The following POU6F2 variants were observed in gnomAD, a reference collection of about 807,000 sequenced individuals.
The protein encoded by POU6F2 is POU class 6 homeobox 2, also known as POU domain, class 6, transcription factor 2.
Under a neutral mutation model 71.3 loss-of-function variants are expected in POU6F2, and 31 were observed. That is an observed-to-expected ratio of 0.43 (90% confidence interval 0.33 to 0.59). The LOEUF (loss-of-function observed/expected upper bound fraction) is 0.59, where lower values mean the gene tolerates loss of function less well. Ranked by LOEUF, POU6F2 falls within the 20% of genes least tolerant of loss-of-function variation. POU6F2 has a pLI of 0.04. For synonymous variants in POU6F2, 347 were observed against 355.7 expected, an observed-to-expected ratio of 0.98 and a Z score of 0.27; for missense variants, 783 against 856.8, an observed-to-expected ratio of 0.91 and a Z score of 1.07.
At chr7:39,053,958 C>T (rs1790452748) in intron 1 of POU6F2, among the ~76,000 whole-genome samples, 1 of 151,854 alleles carries the variant, frequency 6.6e-6, no homozygotes, top group South Asian at 2.1e-4. Context: ...CAAAAATTAG[C>T]CAGGCGTGGT....
chr7:38,983,579 C>T (rs1171982919), intron 1 of POU6F2, among the ~76,000 whole-genome samples: 3 of 152,070 alleles, frequency 2.0e-5, no homozygotes, highest in Non-Finnish European at 4.4e-5. Context: ...TTTGAAGAAG[C>T]GGTTGCGAGT....
intron 4 of POU6F2, among the ~76,000 whole-genome samples, chr7:39,313,914 G>A (rs1785212912): frequency 6.6e-6 from 1 of 152,170 alleles, no homozygotes; most frequent in Non-Finnish European, 1.5e-5. Context: ...TTGTGAAAAA[G>A]ATGCCGGATG....
intron 4 of POU6F2, among the ~76,000 whole-genome samples, chr7:39,285,270 C>G (rs1784632189): frequency 6.6e-6 from 1 of 152,214 alleles, no homozygotes; most frequent in Admixed American, 6.5e-5. Context: ...ACTGAAAACT[C>G]TGATGCCATG....
At chr7:39,106,631 A>G (rs1049761280) in intron 2 of POU6F2, among the ~76,000 whole-genome samples, 15 of 152,222 alleles carry the variant, frequency 9.9e-5, no homozygotes, top group Admixed American at 4.6e-4. Flanking sequence ...ATTGTTTCCA[A>G]TGTTTAAAAT....
In POU6F2 at chr7:39,214,720, CAGTAAAGAGA is replaced by C. The variant is rs567643610; in HGVS notation, c.598+7111_598+7120del. Among the ~76,000 whole-genome samples the C allele has an allele frequency of 2.9e-3, 436 of 152,194 alleles. 2 individuals carry two copies. The highest frequency in any genetic ancestry group is 9.7e-3 in the African/African-American group (402 of 41,526). On this transcript the variant is annotated intron_variant, in intron 4 of 9. Transcript: ENST00000518318. Reference sequence around the variant, plus strand: ...GAGTGAATTTTAAAGACTAAGAGTCCAGTAAAGAGAAGTAAAGAGAGCATTCAGTGTAGAG... The same window carrying C: ...GAGTGAATTTTAAAGACTAAGAGTCCAGTAAAGAGAGCATTCAGTGTAGAG...
In POU6F2 at chr7:39,100,493, A is replaced by T. The variant is rs146901392; in HGVS notation, c.277+14462A>T. On this transcript the variant is annotated intron_variant, in intron 2 of 9. Transcript: ENST00000518318. ...GCCATGGCAACCCCACACATTTTTA[A>T]TTACATATTCATGCCCTATGCTCAT... Among the ~76,000 whole-genome samples the T allele has an allele frequency of 8.7e-4, 132 of 152,326 alleles. 3 individuals carry two copies. The East Asian group carries it at 0.022, about 25-fold the overall frequency.
chr7:39,226,892 C>T (rs780462113), intron 4 of POU6F2, among the ~76,000 whole-genome samples: 9 of 152,144 alleles, frequency 5.9e-5, no homozygotes, highest in Non-Finnish European at 1.2e-4. Context: ...GAATGAGTTG[C>T]GGGCTTAATT....
intron 2 of POU6F2, among the ~76,000 whole-genome samples, chr7:39,175,385 C>T (rs11973888): frequency 1.8e-4 from 28 of 152,170 alleles, no homozygotes; most frequent in African/African-American, 6.7e-4. Flanking sequence ...ACTAGGTCAA[C>T]TTTTGAGTGT....
At chr7:39,029,565 G>C (rs1272863290) in intron 1 of POU6F2, among the ~76,000 whole-genome samples, 2 of 151,910 alleles carry the variant, frequency 1.3e-5, no homozygotes, top group Non-Finnish European at 2.9e-5. Context: ...TACCCTAAAA[G>C]CCCTGACTTC....
intron 4 of POU6F2, among the ~76,000 whole-genome samples, chr7:39,272,648 G>A (rs1316685853): frequency 2.0e-5 from 3 of 152,184 alleles, no homozygotes; most frequent in Admixed American, 6.5e-5. Context: ...CCAAGATAGA[G>A]TTTCTCAAAC....
chr7:39,237,644 T>G (rs1161221461), intron 4 of POU6F2, among the ~76,000 whole-genome samples: 1 of 152,176 alleles, frequency 6.6e-6, no homozygotes, highest in Non-Finnish European at 1.5e-5. Flanking sequence ...ATAGGACTAC[T>G]GCCCCTCAGA....
chr7:39,051,538 A>G (rs1790400382), intron 1 of POU6F2, among the ~76,000 whole-genome samples: 1 of 152,132 alleles, frequency 6.6e-6, no homozygotes, highest in Admixed American at 6.6e-5. Context: ...CATATACTCT[A>G]CAGAAACATT....
intron 1 of POU6F2, among the ~76,000 whole-genome samples, chr7:38,990,443 A>G (rs1788575070): frequency 6.6e-6 from 1 of 152,114 alleles, no homozygotes; most frequent in Non-Finnish European, 1.5e-5. Context: ...TCTTATTTAC[A>G]TTTATGTGTT....
chr7:39,204,620 G>A (rs577645538), intron 3 of POU6F2, among the ~76,000 whole-genome samples: 58 of 151,542 alleles, frequency 3.8e-4, no homozygotes, highest in African/African-American at 1.2e-3. Flanking sequence ...TTACCGTGCA[G>A]TTTCCTGGAA....
chr7:39,205,092 C>A (rs1377849332), intron 3 of POU6F2, among the ~76,000 whole-genome samples: 1 of 151,788 alleles, frequency 6.6e-6, no homozygotes, highest in Non-Finnish European at 1.5e-5. Context: ...TTGGCCTTGA[C>A]ATTCTTATTC....
chr7:39,427,810 A>C (rs1263461699), intron 6 of POU6F2, among the ~76,000 whole-genome samples: 1 of 152,216 alleles, frequency 6.6e-6, no homozygotes, highest in Admixed American at 6.5e-5. Flanking sequence ...ATTCTCCATA[A>C]CAGAGTTTAA....
intron 4 of POU6F2, among the ~76,000 whole-genome samples, chr7:39,296,514 T>C (rs976367111): frequency 1.3e-5 from 2 of 152,212 alleles, no homozygotes; most frequent in African/African-American, 4.8e-5. Context: ...TAGCATTTTG[T>C]ACCCTTGTAG....
chr7:39,339,799 C>A lies in POU6F2; in HGVS notation c.756C>A (p.Thr252=). Residue 252 remains threonine (T), a synonymous_variant, in exon 5 of 10, where the codon ACC becomes ACA. Transcript: ENST00000518318. ...SQSQQQPLQP[T]PPQQPPPASQ... is the part of the protein sequence containing the mutation. Reference sequence around the variant, plus strand: ...CCCAGCAGCAGCCGCTGCAGCCCACCCCACCCCAGCAGCCACCACCCGCCT... The same window carrying A: ...CCCAGCAGCAGCCGCTGCAGCCCACACCACCCCAGCAGCCACCACCCGCCT... 6.4e-7 allele frequency: 1 copy of A among 1,571,362 alleles called. No homozygotes were observed. The highest frequency in any genetic ancestry group is 8.6e-7 in the Non-Finnish European group (1 of 1,158,844).
intron 1 of POU6F2, among the ~76,000 whole-genome samples, chr7:39,045,287 C>A (rs904491403): frequency 2.6e-5 from 4 of 151,952 alleles, no homozygotes; most frequent in African/African-American, 9.7e-5. Flanking sequence ...CCTACCTTTA[C>A]ATGCCCCAAA....
Sources: gnomAD v4.1 joint callset for allele counts (sites outside exome capture counted in the v4.1 genomes callset) on GRCh38, gnomAD v4.1.1 for gene constraint, MANE v1.5 for transcripts, NCBI Gene and HGNC (gene_info 2026-07-23, HGNC 2026-07-21) for gene names.